CCSER1: variants seen among roughly 807,000 people sequenced by gnomAD.
CCSER1 encodes serine-rich coiled-coil domain-containing protein 1.
Under a neutral mutation model 82.0 loss-of-function variants are expected in CCSER1, and 41 were observed. That is an observed-to-expected ratio of 0.50 (90% CI 0.39 to 0.65). The LOEUF (loss-of-function observed/expected upper bound fraction) is 0.65, where lower values mean the gene tolerates loss of function less well. Among genes scored for constraint, CCSER1 ranks in the 30% least tolerant of loss-of-function variants. CCSER1 has a pLI of 0.00. For synonymous variants in CCSER1, 414 were observed against 383.9 expected, an observed-to-expected ratio of 1.08 and a Z score of -0.92; for missense variants, 1,119 against 1,064.2, an observed-to-expected ratio of 1.05 and a Z score of -0.72.
intron 8 of CCSER1, among the ~76,000 whole-genome samples, chr4:90,879,573 A>AGGAGGAG (rs1580898223): frequency 3.0e-5 from 2 of 66,248 alleles, no homozygotes; most frequent in Non-Finnish European, 6.1e-5. Flanking sequence ...AAGAAGAGGA[A>AGGAGGAG]GAAGAAGAAG....
At chr4:90,225,223 C>T (rs1742923245) in intron 1 of CCSER1, among the ~76,000 whole-genome samples, 2 of 127,658 alleles carry the variant, frequency 1.6e-5, no homozygotes, top group South Asian at 5.8e-4. Flanking sequence ...CACCAGCATA[C>T]CCGGCTAATT....
At chr4:91,287,356 TA>T (rs1226072552) in intron 10 of CCSER1, among the ~76,000 whole-genome samples, 5 of 151,978 alleles carry the variant, frequency 3.3e-5, no homozygotes, top group Non-Finnish European at 7.4e-5. Flanking sequence ...TTAATCAGTT[TA>T]TTTCCTGTCA....
intron 10 of CCSER1, among the ~76,000 whole-genome samples, chr4:91,316,142 C>T (rs757037678): frequency 6.6e-6 from 1 of 151,914 alleles, no homozygotes; most frequent in African/African-American, 2.4e-5. Flanking sequence ...AATTGTGAGG[C>T]CTCCCCAGCC....
chr4:90,562,677 A>G (rs549522871), intron 5 of CCSER1, among the ~76,000 whole-genome samples: 6 of 152,080 alleles, frequency 3.9e-5, no homozygotes, highest in African/African-American at 1.4e-4. Context: ...AGCTGGGACT[A>G]CAGGTGTGTG....
At chr4:91,354,215 G>A (rs968802500) in intron 10 of CCSER1, among the ~76,000 whole-genome samples, 1 of 152,180 alleles carries the variant, frequency 6.6e-6, no homozygotes, top group East Asian at 1.9e-4. Context: ...TAAGTGGCAG[G>A]TCTATAATAT....
intron 3 of CCSER1, among the ~76,000 whole-genome samples, chr4:90,369,368 A>G (rs1205753510): frequency 6.6e-6 from 1 of 151,678 alleles, no homozygotes; most frequent in African/African-American, 2.4e-5. Flanking sequence ...GAAAAGGAAA[A>G]GAAGGAAGAG....
chr4:91,305,510 G>A (rs1167178232), intron 10 of CCSER1, among the ~76,000 whole-genome samples: 1 of 152,012 alleles, frequency 6.6e-6, no homozygotes, highest in Admixed American at 6.6e-5. Flanking sequence ...GCTATAAAAT[G>A]TAATCAATAT....
chr4:90,545,968 A>T (rs1776700220), intron 5 of CCSER1, among the ~76,000 whole-genome samples: 1 of 152,156 alleles, frequency 6.6e-6, no homozygotes, highest in Non-Finnish European at 1.5e-5. Flanking sequence ...AACAATAGGT[A>T]AAATAAATAC....
intron 8 of CCSER1, among the ~76,000 whole-genome samples, chr4:90,849,254 G>A (rs1478052186): frequency 1.3e-5 from 2 of 152,280 alleles, no homozygotes; most frequent in East Asian, 3.9e-4. Context: ...TATGGATAAC[G>A]AAGTCTGGGC....
At chr4:91,045,023 T>A (rs1742322624) in intron 9 of CCSER1, among the ~76,000 whole-genome samples, 1 of 152,178 alleles carries the variant, frequency 6.6e-6, no homozygotes, top group South Asian at 2.1e-4. Flanking sequence ...TTACTCTTTA[T>A]TGGACATGCC....
intron 6 of CCSER1, among the ~76,000 whole-genome samples, chr4:90,665,318 GA>G (rs1731533576): frequency 1.4e-5 from 2 of 139,582 alleles, no homozygotes; most frequent in South Asian, 2.4e-4. Context: ...CATATGCTGA[GA>G]TTTTTTTTTC....
intron 10 of CCSER1, among the ~76,000 whole-genome samples, chr4:91,156,192 A>C (rs1277179135): frequency 6.6e-6 from 1 of 151,732 alleles, no homozygotes; most frequent in Non-Finnish European, 1.5e-5. Flanking sequence ...TATATCTACT[A>C]TTGTATGTAC....
At chr4:90,785,739 A>G (rs1754427086) in intron 7 of CCSER1, among the ~76,000 whole-genome samples, 1 of 152,154 alleles carries the variant, frequency 6.6e-6, no homozygotes, top group Admixed American at 6.5e-5. Flanking sequence ...TTTTTTTACA[A>G]TGTTAACATT....
chr4:90,633,640 G>T (rs1056550632), intron 6 of CCSER1, among the ~76,000 whole-genome samples: 3 of 151,968 alleles, frequency 2.0e-5, no homozygotes, highest in Non-Finnish European at 4.4e-5. Flanking sequence ...CAGAGGAAAA[G>T]GATAACTATA....
chr4:91,337,804 AG>A (rs1747423864), intron 10 of CCSER1, among the ~76,000 whole-genome samples: 3 of 152,298 alleles, frequency 2.0e-5, no homozygotes, highest in Admixed American at 2.0e-4. Flanking sequence ...TTAATATATC[AG>A]GGTTTAATAA....
At chr4:90,389,897 A>G (rs1750694218) in intron 3 of CCSER1, among the ~76,000 whole-genome samples, 1 of 152,180 alleles carries the variant, frequency 6.6e-6, no homozygotes, top group Non-Finnish European at 1.5e-5. Context: ...CTTGGCCTTA[A>G]GCAATGCTCT....
In CCSER1 at chr4:90,369,560, AC is replaced by A. The variant is rs1747001169; in HGVS notation, c.1510-30474del. 2.6e-5 allele frequency among the ~76,000 whole-genome samples: 4 copies of A among 152,104 alleles called. No individual in the cohort carries two copies. In the South Asian group the frequency reaches 8.3e-4, roughly 32 times the overall value. ...AGATGAAGTAATAATTTTCTTGGAA[AC>A]CTTTAACTAACAGAATTCAACAATA... On this transcript the variant is annotated intron_variant, in intron 3 of 10. Coordinates refer to ENST00000509176, the MANE Select transcript of CCSER1 (RefSeq NM_001145065.2).
rs1340754769 is a variant in CCSER1, at chr4:90,782,004, A to G, written c.2011-33758A>G. ...AAAATGAAGAACATTTCTATTATAA[A>G]GTATTTTCCTAAATAGATTTAGTAC... On this transcript the variant is annotated intron_variant, in intron 7 of 10. Coordinates refer to ENST00000509176, the MANE Select transcript of CCSER1 (RefSeq NM_001145065.2). 10 of 859,692 alleles carry G rather than the reference A, an allele frequency of 1.2e-5. No homozygotes were observed. In the South Asian group the frequency reaches 3.2e-4, roughly 28 times the overall value. 53.3% of individuals were successfully genotyped at this position (859,692 alleles called of 1,614,324 possible).
intron 4 of CCSER1, among the ~76,000 whole-genome samples, chr4:90,467,254 T>C (rs28893032): frequency 0.12 from 18,070 of 151,800 alleles, 1,643 homozygotes; most frequent in African/African-American, 0.25. Flanking sequence ...GGCATGATAG[T>C]GCGCCTGTAG....
Sources: gnomAD v4.1 joint callset for allele counts (sites outside exome capture counted in the v4.1 genomes callset) on GRCh38, gnomAD v4.1.1 for gene constraint, MANE v1.5 for transcripts, NCBI Gene and HGNC (gene_info 2026-07-23, HGNC 2026-07-21) for gene names.